Variants in EDA observed in about 807,000 individuals in gnomAD.
EDA encodes the protein ectodysplasin A.
EDA carries 2 observed loss-of-function variants against 23.6 expected under a neutral mutation model. That is an observed-to-expected ratio of 0.08 (90% confidence interval 0.03 to 0.27). The LOEUF (loss-of-function observed/expected upper bound fraction) is 0.27. EDA is among the 10% of genes least tolerant of loss of function. The pLI is 1.00. For synonymous variants in EDA, 131 were observed against 132.0 expected (o/e 0.99, Z 0.05); for missense variants, 229 against 324.2 (o/e 0.71, Z 2.26).
At chrX:69,831,524 G>A (rs1271036980) in intron 1 of EDA, among the ~76,000 whole-genome samples, 7 of 112,408 alleles carry the variant, frequency 6.2e-5, no homozygotes, top group Non-Finnish European at 9.4e-5. Context: ...ACATACATGT[G>A]CATGTGTCTT....
intron 2 of EDA, among the ~76,000 whole-genome samples, chrX:69,969,660 T>G (rs1040474488): frequency 8.9e-6 from 1 of 112,219 alleles, no homozygotes; most frequent in African/African-American, 3.2e-5. Flanking sequence ...GGTACACATA[T>G]TTTATCTCAG....
intron 1 of EDA, chrX:69,617,601 GC>G (rs1412193535): frequency 4.1e-6 from 1 of 244,954 alleles, no homozygotes; most frequent in East Asian, 1.1e-4. Context: ...ATTCTTTCTA[GC>G]TTTTTATTCA....
chrX:69,931,200 A>G (rs2018593299), intron 1 of EDA, among the ~76,000 whole-genome samples: 1 of 111,739 alleles, frequency 8.9e-6, no homozygotes, highest in Non-Finnish European at 1.9e-5. Context: ...AAACCCACAC[A>G]TATATGGTCA....
chrX:69,791,114 T>C (rs1180360302), intron 1 of EDA, among the ~76,000 whole-genome samples: 4 of 111,815 alleles, frequency 3.6e-5, no homozygotes, highest in African/African-American at 1.3e-4. Context: ...GGACTCCCCA[T>C]GTATGTACAC....
chrX:69,697,325 C>T (rs1342602166), intron 1 of EDA, among the ~76,000 whole-genome samples: 3 of 111,499 alleles, frequency 2.7e-5, no homozygotes, highest in East Asian at 2.8e-4. Flanking sequence ...TGCTGAGGCA[C>T]GCTGCTGGTG....
intron 1 of EDA, among the ~76,000 whole-genome samples, chrX:69,690,865 T>C (rs995217282): frequency 1.8e-5 from 2 of 111,969 alleles, no homozygotes; most frequent in African/African-American, 6.5e-5. Context: ...GTAGTTTTTG[T>C]TTTTCTAGGT....
At chrX:69,677,538 G>A (rs1401260116) in intron 1 of EDA, among the ~76,000 whole-genome samples, 2 of 109,102 alleles carry the variant, frequency 1.8e-5, no homozygotes, top group Non-Finnish European at 3.8e-5. Flanking sequence ...GTGTGAGATG[G>A]TATCTCGTTG....
At chrX:69,731,381 C>T (rs2013017980) in intron 1 of EDA, among the ~76,000 whole-genome samples, 1 of 111,371 alleles carries the variant, frequency 9.0e-6, no homozygotes, top group Admixed American at 9.5e-5. Flanking sequence ...ATTTGCTATT[C>T]TTTTCCAATT....
intron 1 of EDA, among the ~76,000 whole-genome samples, chrX:69,865,800 T>C (rs902161041): frequency 2.7e-5 from 3 of 112,104 alleles, no homozygotes; most frequent in Admixed American, 9.4e-5. Context: ...CAACTGTCCT[T>C]CGTACAACTG....
intron 1 of EDA, among the ~76,000 whole-genome samples, chrX:69,713,360 C>T (rs1299144939): frequency 9.0e-6 from 1 of 111,591 alleles, no homozygotes; most frequent in Non-Finnish European, 1.9e-5. Context: ...ACAATCTACC[C>T]ATCTTATTCA....
At position 69,850,155 on chromosome X, in the gene EDA, G is replaced by A. The variant is rs780836512; in HGVS notation, c.397-106872G>A. Among the ~76,000 whole-genome samples, 273 of 112,001 alleles carry A rather than the reference G, an allele frequency of 2.4e-3. 1 individual carries two copies. The highest frequency in any genetic ancestry group is 0.014 in the Middle Eastern group (3 of 216). On this transcript the variant is annotated intron_variant, in intron 1 of 7. Transcript: ENST00000374552. ...ATTGTTGTGGCTGAATCCATCATGTGATGAGTCCCATTGGTTGTTAAGAAA... is the reference window on the plus strand; with the variant it reads ...ATTGTTGTGGCTGAATCCATCATGTAATGAGTCCCATTGGTTGTTAAGAAA...
chrX:70,004,855 C>T (rs2019781669), intron 2 of EDA, among the ~76,000 whole-genome samples: 1 of 112,179 alleles, frequency 8.9e-6, no homozygotes. Flanking sequence ...CCCAGAGAGG[C>T]CAACGAAGGA....
Position 69,749,932 on chromosome X carries a change from T to C in EDA, c.396+133228T>C, listed in dbSNP as rs1030639748. ...CCTCTCACTAAGGTTCTTTTTTTTTTTTTTTTTTTTTTTTTTTGGTTGGGG... is the reference window on the plus strand; with the variant it reads ...CCTCTCACTAAGGTTCTTTTTTTTTCTTTTTTTTTTTTTTTTTGGTTGGGG... On this transcript the variant is annotated intron_variant, in intron 1 of 7. Transcript: ENST00000374552. Among the ~76,000 whole-genome samples the C allele has an allele frequency of 4.2e-4, 42 of 101,137 alleles. 1 individual carries two copies. The highest frequency in any genetic ancestry group is 5.1e-3 in the Middle Eastern group (1 of 195). The allele number at this position is 101,137 out of a possible 115,157, so 87.8% of individuals were successfully genotyped here. A position where few individuals can be genotyped will look rare whatever the true frequency, so the allele number is the denominator to read the frequency against.
intron 1 of EDA, among the ~76,000 whole-genome samples, chrX:69,832,254 A>G (rs1175959663): frequency 9.0e-6 from 1 of 111,724 alleles, no homozygotes; most frequent in Admixed American, 9.5e-5. Context: ...CTTTCTACAT[A>G]TGGCTAGCCA....
At chrX:69,825,874 A>C (rs777502153) in intron 1 of EDA, among the ~76,000 whole-genome samples, 4 of 109,754 alleles carry the variant, frequency 3.6e-5, no homozygotes, top group African/African-American at 1.3e-4. Context: ...CTATGAATGC[A>C]TCCCAGAGAT....
At chrX:69,823,681 T>C (rs759593990) in intron 1 of EDA, among the ~76,000 whole-genome samples, 58 of 97,624 alleles carry the variant, frequency 5.9e-4, no homozygotes, top group Middle Eastern at 9.5e-3. Flanking sequence ...TCTTTTGCTG[T>C]ACAGAAGCTC....
At chrX:69,697,338 A>G (rs538191442) in intron 1 of EDA, among the ~76,000 whole-genome samples, 2 of 111,181 alleles carry the variant, frequency 1.8e-5, no homozygotes. Context: ...TGCTGGTGCA[A>G]GTGGTCTTGG....
chrX:69,800,971 GA>G (rs2015670795), intron 1 of EDA, among the ~76,000 whole-genome samples: 1 of 111,275 alleles, frequency 9.0e-6, no homozygotes, highest in Non-Finnish European at 1.9e-5. Flanking sequence ...GTTCAAATTA[GA>G]TTTAGGGAGT....
At chrX:70,024,040 G>T (rs971037091) in intron 3 of EDA, among the ~76,000 whole-genome samples, 9 of 112,061 alleles carry the variant, frequency 8.0e-5, no homozygotes, top group African/African-American at 2.9e-4. Context: ...CAGGCAATAT[G>T]GTCTACTTCT....
Sources: gnomAD v4.1 joint callset for allele counts (sites outside exome capture counted in the v4.1 genomes callset) on GRCh38, gnomAD v4.1.1 for gene constraint, MANE v1.5 for transcripts, NCBI Gene and HGNC (gene_info 2026-07-23, HGNC 2026-07-21) for gene names.